Variants in LAMB4 observed in about 807,000 individuals in gnomAD.
LAMB4 encodes laminin subunit beta-4.
In LAMB4, 196 loss-of-function variants were observed where a neutral mutation model predicts 199.2. The ratio of observed to expected loss-of-function variants is 0.98; its 90% CI spans 0.88 to 1.11. The LOEUF (loss-of-function observed/expected upper bound fraction) is 1.11. Among genes scored for constraint, LAMB4 ranks in the 50% least tolerant of loss-of-function variants. The pLI, the probability that LAMB4 is intolerant of heterozygous loss-of-function variation, is 0.00. For missense variants in LAMB4, 2,080 were observed against 2,171.2 expected, an observed-to-expected ratio of 0.96 and a Z score of 0.83; for synonymous variants, 744 against 770.6, an observed-to-expected ratio of 0.97 and a Z score of 0.57.
chr7:108,126,557 T>C (rs1244683612), intron 1 of LAMB4, among the ~76,000 whole-genome samples: 1 of 92,880 alleles, frequency 1.1e-5, no homozygotes, highest in African/African-American at 4.2e-5. Context: ...TTTCTTTCTT[T>C]TTTTTTTTTT....
chr7:108,078,188 G>A lies in LAMB4; in HGVS notation c.2003+13C>T, dbSNP rs781188216. 1 of 1,533,422 alleles carries A rather than the reference G, an allele frequency of 6.5e-7. No individual in the cohort carries two copies. Among genetic ancestry groups the A allele is most frequent in the Non-Finnish European group, 9.0e-7 (1 of 1,114,706 alleles). 95.0% of individuals were successfully genotyped at this position (1,533,422 alleles called of 1,614,324 possible). The stretch of plus-strand genomic sequence containing the variant: ...AGAAGCTTTCAATGTTTGAGGACCG[G>A]TCTGAAACATACCTCGTAGCCGCTG... On this transcript the variant is annotated intron_variant, in intron 16 of 33. Transcript: ENST00000388781.
At chr7:108,107,574 A>T in intron 6 of LAMB4, 57 bp downstream of exon 6, 1 of 1,359,702 alleles carries the variant, frequency 7.4e-7, no homozygotes, top group Non-Finnish European at 1.0e-6. Flanking sequence ...ATTTAAGTTA[A>T]TTATACTTTT....
At chr7:108,101,420 A>G (rs780361141) in intron 10 of LAMB4, among the ~76,000 whole-genome samples, 28 of 152,174 alleles carry the variant, frequency 1.8e-4, no homozygotes, top group Admixed American at 3.3e-4. Context: ...CACTATTCAC[A>G]TGGTATCCGT....
At chr7:108,104,347 T>C in intron 9 of LAMB4, 152 bp downstream of exon 9, 1 of 791,144 alleles carries the variant, frequency 1.3e-6, no homozygotes, top group Non-Finnish European at 1.9e-6. Context: ...CTATGTGGGA[T>C]AATTGGGAAC....
intron 12 of LAMB4, among the ~76,000 whole-genome samples, chr7:108,093,476 T>G (rs904511304): frequency 3.3e-5 from 5 of 152,228 alleles, no homozygotes; most frequent in Admixed American, 6.5e-5. Flanking sequence ...CAAGCTAATT[T>G]TGAGATATTA....
the LAMB4 span, among the ~76,000 whole-genome samples, chr7:108,015,834 G>A: frequency 9.2e-5 from 13 of 141,506 alleles, no homozygotes; most frequent in African/African-American, 3.4e-4. Flanking sequence ...TATTTGCTTA[G>A]TTGGCTAATC....
chr7:108,053,555 G>A (rs2035890699), intron 25 of LAMB4, among the ~76,000 whole-genome samples: 2 of 152,224 alleles, frequency 1.3e-5, no homozygotes, highest in African/African-American at 4.8e-5. Flanking sequence ...CAGGGAGGAG[G>A]TGATGTTTGT....
At chr7:108,073,321 T>TA (rs2036596835) in intron 17 of LAMB4, among the ~76,000 whole-genome samples, 1 of 152,248 alleles carries the variant, frequency 6.6e-6, no homozygotes, top group South Asian at 2.1e-4. Context: ...TAGGATTTTG[T>TA]AATGCCATGA....
intron 31 of LAMB4, among the ~76,000 whole-genome samples, chr7:108,031,364 G>GA (rs2035031522): frequency 3.4e-5 from 3 of 87,422 alleles, no homozygotes; most frequent in Non-Finnish European, 4.9e-5. Context: ...AAAGAAAAAG[G>GA]AAAAGAAAAA....
intron 11 of LAMB4, among the ~76,000 whole-genome samples, chr7:108,096,861 A>G (rs142626981): frequency 5.0e-4 from 71 of 142,822 alleles, no homozygotes; most frequent in African/African-American, 1.7e-3. Context: ...GCTTGAGTCC[A>G]GGAGTTTAAG....
intron 33 of LAMB4, among the ~76,000 whole-genome samples, chr7:108,024,808 T>C (rs2034777991): frequency 6.6e-6 from 1 of 152,196 alleles, no homozygotes; most frequent in South Asian, 2.1e-4. Flanking sequence ...ATTCAACAAA[T>C]ATCTGGAAAT....
chr7:108,105,423 G>C (rs938567242), intron 8 of LAMB4, among the ~76,000 whole-genome samples: 2 of 152,120 alleles, frequency 1.3e-5, no homozygotes, highest in African/African-American at 4.8e-5. Context: ...GAAATTATTA[G>C]GTTGGTACAA....
chr7:108,036,046 C>T (rs191325651), intron 30 of LAMB4, among the ~76,000 whole-genome samples: 2 of 151,886 alleles, frequency 1.3e-5, no homozygotes, highest in East Asian at 1.9e-4. Context: ...TTAGTAGAGA[C>T]GGGTTTTCAC....
chr7:108,066,490 C>T lies in LAMB4; in HGVS notation c.2557G>A (p.Gly853Ser), dbSNP rs769665880. 10 of 1,614,184 alleles carry T rather than the reference C, an allele frequency of 6.2e-6. No homozygotes were observed. In the East Asian group the frequency reaches 2.2e-4, roughly 36 times the overall value. The change falls in exon 20 of 34, where the codon GGC (glycine) becomes AGC (serine). Residue 853 changes from glycine (G) to serine (S), a missense_variant. Gly to Ser is a moderately conservative substitution (Grantham distance 56, BLOSUM62 0). Coordinates refer to ENST00000388781, the MANE Select transcript of LAMB4 (RefSeq NM_007356.3). Reference sequence around the variant, plus strand: ...TGGCAGCTGGGAAATCCAAAGTAGCCTGCCAGGCAGCGATCACAGCGGCGG... The same window carrying T: ...TGGCAGCTGGGAAATCCAAAGTAGCTTGCCAGGCAGCGATCACAGCGGCGG... ...SGRRCDRCLA[G>S]YFGFPSCHPC...
intron 19 of LAMB4, among the ~76,000 whole-genome samples, chr7:108,067,301 CT>C (rs1460259926): frequency 6.6e-6 from 1 of 152,158 alleles, no homozygotes; most frequent in Non-Finnish European, 1.5e-5. Flanking sequence ...AACCATTTCT[CT>C]GGATTATGAT....
intron 33 of LAMB4, among the ~76,000 whole-genome samples, chr7:108,027,167 T>C (rs1174752914): frequency 6.6e-6 from 1 of 152,164 alleles, no homozygotes; most frequent in Admixed American, 6.6e-5. Flanking sequence ...TTCATGGTAT[T>C]GTCTGACAAG....
rs148107646 is a variant in LAMB4, at chr7:108,032,118, G to A, written c.4819-1139C>T. ...TTAAAGGCAATTTGTGGCTGGGCAC[G>A]GTGGTTTACGCCTGTAATCCCAGGA... On this transcript the variant is annotated intron_variant, in intron 31 of 33. Transcript: ENST00000388781. Among the ~76,000 whole-genome samples the A allele has an allele frequency of 3.0e-3, 461 of 152,214 alleles. 1 individual carries two copies. The highest frequency in any genetic ancestry group is 1.0e-2 in the African/African-American group (415 of 41,524).
intron 6 of LAMB4, among the ~76,000 whole-genome samples, chr7:108,107,297 A>G (rs1347463183): frequency 6.6e-6 from 1 of 152,174 alleles, no homozygotes; most frequent in Non-Finnish European, 1.5e-5. Context: ...GAGTATGGGG[A>G]TGAGATAGCT....
In LAMB4 at chr7:108,049,335, CAAT is replaced by C; in HGVS notation, c.4110_4112del (p.Ile1370_Leu1371delinsMet). The C allele has an allele frequency of 6.5e-7, 1 of 1,539,528 alleles. No individual in the cohort carries two copies. The highest frequency in any genetic ancestry group is 2.3e-5 in the East Asian group (1 of 44,194). Reference sequence around the variant, plus strand: ...CATCATGAATATTTACCTTTTCATTCAATATTTGGATATCTGGTATCTTAATCT... The same window carrying C: ...CATCATGAATATTTACCTTTTCATTCATTTGGATATCTGGTATCTTAATCT... On this transcript the variant is annotated inframe_deletion, in exon 27 of 34. Transcript: ENST00000388781.
Sources: gnomAD v4.1 joint callset for allele counts (sites outside exome capture counted in the v4.1 genomes callset) on GRCh38, gnomAD v4.1.1 for gene constraint, MANE v1.5 for transcripts, NCBI Gene and HGNC (gene_info 2026-07-23, HGNC 2026-07-21) for gene names.